The following HOMER1 variants were observed in gnomAD, a reference collection of about 807,000 sequenced individuals.
HOMER1 encodes the protein homer protein homolog 1.
In HOMER1, 3 loss-of-function variants were observed where a neutral mutation model predicts 48.9. That is an observed-to-expected ratio of 0.06 (90% confidence interval 0.03 to 0.16). The LOEUF (loss-of-function observed/expected upper bound fraction) is 0.16. Among genes scored for constraint, HOMER1 ranks in the 10% least tolerant of loss-of-function variants. HOMER1 has a pLI of 1.00. For missense variants in HOMER1, 247 were observed against 411.4 expected (o/e 0.60, Z 3.46); for synonymous variants, 134 against 146.4 (o/e 0.92, Z 0.61).
intron 1 of HOMER1, among the ~76,000 whole-genome samples, chr5:79,467,535 A>G (rs1267335046): frequency 2.0e-5 from 3 of 152,182 alleles, no homozygotes; most frequent in Non-Finnish European, 2.9e-5. Flanking sequence ...AGTCCATATA[A>G]TATCTAAACA....
intron 1 of HOMER1, among the ~76,000 whole-genome samples, chr5:79,492,907 CTTTTTTT>C (rs558428061): frequency 2.0e-3 from 169 of 84,032 alleles, no homozygotes; most frequent in Admixed American, 5.5e-3. Context: ...AAAACTTTGT[CTTTTTTT>C]TTTTTTTTTT....
At chr5:79,428,232 AG>A (rs1750324489) in intron 5 of HOMER1, among the ~76,000 whole-genome samples, 1 of 152,226 alleles carries the variant, frequency 6.6e-6, no homozygotes, top group Non-Finnish European at 1.5e-5. Flanking sequence ...ATTAATCAAT[AG>A]GAACAAACAT....
chr5:79,379,185 A>T (rs1748876739), intron 8 of HOMER1, among the ~76,000 whole-genome samples: 1 of 100,700 alleles, frequency 9.9e-6, no homozygotes, highest in Non-Finnish European at 1.9e-5. Context: ...ATATATTTTT[A>T]TATATCTATA....
chr5:79,474,351 CCTTTCTAAA>C (rs76073582), intron 1 of HOMER1, among the ~76,000 whole-genome samples: 10,296 of 151,406 alleles, frequency 0.068, 765 homozygotes, highest in East Asian at 0.24. Flanking sequence ...CTGCTCCTGG[CCTTTCTAAA>C]CTTTCTAAGA....
At chr5:79,414,259 GTTTTTGT>G (rs1222065118) in intron 5 of HOMER1, among the ~76,000 whole-genome samples, 2 of 110,020 alleles carry the variant, frequency 1.8e-5, no homozygotes, top group Admixed American at 9.2e-5. Flanking sequence ...TTTTGCTTTT[GTTTTTGT>G]TTTTTTTTTG....
At chr5:79,500,963 G>GACACACACACACACACACACACACAC (rs140189642) in intron 1 of HOMER1, among the ~76,000 whole-genome samples, 28 of 101,676 alleles carry the variant, frequency 2.8e-4, no homozygotes, top group African/African-American at 8.7e-4. Context: ...GAGACAGACA[G>GACACACACACACACACACACACACAC]ACACACACAC....
chr5:79,405,336 A>G (rs1407918416), intron 5 of HOMER1, among the ~76,000 whole-genome samples: 1 of 152,134 alleles, frequency 6.6e-6, no homozygotes, highest in African/African-American at 2.4e-5. Flanking sequence ...GAGAAAATAG[A>G]TTTCTATAGT....
intron 6 of HOMER1, 24 bp downstream of exon 6, chr5:79,401,875 T>C (rs768455611): frequency 3.1e-6 from 5 of 1,612,190 alleles, no homozygotes; most frequent in Non-Finnish European, 4.2e-6. Flanking sequence ...CCTAAATCCC[T>C]ATAGACATCA....
intron 5 of HOMER1, among the ~76,000 whole-genome samples, chr5:79,409,094 A>AAAAAAAAAAG (rs1749746070): frequency 6.6e-6 from 1 of 151,336 alleles, no homozygotes; most frequent in Non-Finnish European, 1.5e-5. Context: ...GAAAAAAAAA[A>AAAAAAAAAAG]AAATTGAAGA....
chr5:79,472,516 C>G (rs1431546707), intron 1 of HOMER1, among the ~76,000 whole-genome samples: 1 of 151,986 alleles, frequency 6.6e-6, no homozygotes, highest in Non-Finnish European at 1.5e-5. Flanking sequence ...GTGGCTCATG[C>G]TTGTATTCCC....
At chr5:79,425,461 G>A (rs1041444724) in intron 5 of HOMER1, among the ~76,000 whole-genome samples, 3 of 151,974 alleles carry the variant, frequency 2.0e-5, no homozygotes, top group Non-Finnish European at 4.4e-5. Flanking sequence ...TACTGTTCAA[G>A]ATAATTCTCT....
chr5:79,479,784 C>A (rs180874026), intron 1 of HOMER1, among the ~76,000 whole-genome samples: 1 of 151,834 alleles, frequency 6.6e-6, no homozygotes, highest in Non-Finnish European at 1.5e-5. Flanking sequence ...TCTATCAACT[C>A]TCTACCACCT....
At chr5:79,438,255 G>A (rs540759528) in intron 5 of HOMER1, among the ~76,000 whole-genome samples, 1 of 152,142 alleles carries the variant, frequency 6.6e-6, no homozygotes, top group South Asian at 2.1e-4. Flanking sequence ...TTCCAAAGAA[G>A]GACAAAAAAT....
At chr5:79,421,642 G>T (rs919280185) in intron 5 of HOMER1, among the ~76,000 whole-genome samples, 1 of 149,348 alleles carries the variant, frequency 6.7e-6, no homozygotes, top group African/African-American at 2.5e-5. Flanking sequence ...CCTTGCTCTT[G>T]TCGCCCAGGC....
At chr5:79,443,132 C>T (rs1047911790) in intron 4 of HOMER1, among the ~76,000 whole-genome samples, 1 of 152,076 alleles carries the variant, frequency 6.6e-6, no homozygotes, top group Non-Finnish European at 1.5e-5. Context: ...CTGTTTATGC[C>T]AATTCTATTT....
intron 1 of HOMER1, among the ~76,000 whole-genome samples, chr5:79,485,120 C>G (rs1365120992): frequency 7.9e-6 from 1 of 127,378 alleles, no homozygotes; most frequent in South Asian, 2.7e-4. Context: ...AACAAAAACA[C>G]TAGTACTGAG....
intron 8 of HOMER1, among the ~76,000 whole-genome samples, chr5:79,379,104 A>AATTTT: frequency 1.7e-5 from 1 of 59,370 alleles, no homozygotes; most frequent in Non-Finnish European, 2.6e-5. Flanking sequence ...ATATATATAT[A>AATTTT]TATATATATA....
chr5:79,480,880 T>TGG (rs1159058001), intron 1 of HOMER1, among the ~76,000 whole-genome samples: 1 of 152,078 alleles, frequency 6.6e-6, no homozygotes. Context: ...AATGGTCTAG[T>TGG]GGGGAGGGGA....
Position 79,391,143 on chromosome 5 carries a change from T to G in HOMER1, c.876+5680A>C, listed in dbSNP as rs199805034. Among the ~76,000 whole-genome samples, 423 of 142,866 alleles carry G rather than the reference T, an allele frequency of 3.0e-3. 1 individual carries two copies. The highest frequency in any genetic ancestry group is 5.5e-3 in the Admixed American group (79 of 14,476). 93.7% of individuals were successfully genotyped at this position (142,866 alleles called of 152,430 possible). A position where few individuals can be genotyped will look rare whatever the true frequency, so the allele number is the denominator to read the frequency against. ...CAAAATTTTGTGGGTTTTTTTTTTG[T>G]TTTTTTTTTTTTTGAGATAGGTCTT... On this transcript the variant is annotated intron_variant, in intron 8 of 8. Coordinates refer to ENST00000334082, the MANE Select transcript of HOMER1 (RefSeq NM_004272.5).
Sources: gnomAD v4.1 joint callset for allele counts (sites outside exome capture counted in the v4.1 genomes callset) on GRCh38, gnomAD v4.1.1 for gene constraint, MANE v1.5 for transcripts, NCBI Gene and HGNC (gene_info 2026-07-23, HGNC 2026-07-21) for gene names.